NSDHL: variants seen among roughly 807,000 people sequenced by gnomAD.
NSDHL encodes the protein NAD(P) dependent 3-beta-hydroxysteroid dehydrogenase NSDHL.
In NSDHL, 1 loss-of-function variant was observed where a neutral mutation model predicts 23.0. The ratio of observed to expected loss-of-function variants is 0.04; its 90% CI spans 0.02 to 0.21. The LOEUF (loss-of-function observed/expected upper bound fraction) is 0.21. NSDHL is among the 10% of genes least tolerant of loss of function. The pLI, the probability that NSDHL is intolerant of heterozygous loss-of-function variation, is 1.00. For missense variants in NSDHL, 237 were observed against 300.9 expected (o/e 0.79, Z 1.57); for synonymous variants, 128 against 121.1 (o/e 1.06, Z -0.37).
chrX:152,832,168 T>C (rs141751655), intron 1 of NSDHL, among the ~76,000 whole-genome samples: 1,128 of 111,870 alleles, frequency 0.01, 16 homozygotes, highest in African/African-American at 0.034. Context: ...CATCTTTGTC[T>C]CAGTTGTCCT....
At chrX:152,866,049 T>A in intron 6 of NSDHL, 88 bp downstream of exon 6, 1 of 1,030,033 alleles carries the variant, frequency 9.7e-7, no homozygotes, top group East Asian at 3.0e-5. Flanking sequence ...CATGGCATTG[T>A]AGCTCTTTTC....
chrX:152,860,925 T>G lies in NSDHL; in HGVS notation c.415-1671T>G, dbSNP rs1933518897. Among the ~76,000 whole-genome samples the G allele has an allele frequency of 2.7e-5, 3 of 112,249 alleles. 1 individual carries two copies. Among genetic ancestry groups the G allele is most frequent in the Admixed American group, 9.4e-5 (1 of 10,593 alleles). On this transcript the variant is annotated intron_variant, in intron 4 of 7. Coordinates refer to ENST00000370274, the MANE Select transcript of NSDHL (RefSeq NM_015922.3). Reference sequence around the variant, plus strand: ...AAGCAATATAAAGTATTGGATTGCATGTTATAAGATTTTATACAATGATAT... The same window carrying G: ...AAGCAATATAAAGTATTGGATTGCAGGTTATAAGATTTTATACAATGATAT...
At chrX:152,853,367 C>T (rs1037926949) in intron 3 of NSDHL, among the ~76,000 whole-genome samples, 11 of 110,811 alleles carry the variant, frequency 9.9e-5, no homozygotes, top group Non-Finnish European at 1.5e-4. Flanking sequence ...TCATCCCTGC[C>T]CGATTCCTTT....
Position 152,857,849 on chromosome X carries a change from T to C in NSDHL, c.268-921T>C, listed in dbSNP as rs1409310392. On this transcript the variant is annotated intron_variant, in intron 3 of 7. Coordinates refer to ENST00000370274, the MANE Select transcript of NSDHL (RefSeq NM_015922.3). ...ATGTCTGCAACTTACTTGACTGGTT[T>C]CAAAAAAAAAATCATGTGATTGTAT... 2.7e-5 allele frequency among the ~76,000 whole-genome samples: 3 copies of C among 111,201 alleles called. No individual in the cohort carries two copies. In the Admixed American group the frequency reaches 2.9e-4, roughly 11 times the overall value.
chrX:152,865,793 G>A (rs377272148), intron 5 of NSDHL, 26 bp from the exon 6 acceptor site: 21 of 1,210,692 alleles, frequency 1.7e-5, no homozygotes, highest in African/African-American at 1.2e-4. Context: ...TGCAATGGAC[G>A]TGCCCCTTCT....
chrX:152,841,664 A>G (rs1933194271), intron 1 of NSDHL, among the ~76,000 whole-genome samples: 1 of 112,353 alleles, frequency 8.9e-6, no homozygotes, highest in African/African-American at 3.2e-5. Context: ...AATAACTAAC[A>G]TTTTAAAGGA....
chrX:152,858,427 A>C (rs782565863), intron 3 of NSDHL, among the ~76,000 whole-genome samples: 1 of 111,817 alleles, frequency 8.9e-6, no homozygotes, highest in African/African-American at 3.3e-5. Flanking sequence ...GTGATTCATA[A>C]TTTCTATCTG....
At position 152,865,802 on chromosome X, in the gene NSDHL, C is replaced by A; in HGVS notation, c.544-17C>A. The A allele has an allele frequency of 8.2e-7, 1 of 1,212,216 alleles. No individual in the cohort carries two copies. Among genetic ancestry groups the A allele is most frequent in the Non-Finnish European group, 1.1e-6 (1 of 895,399 alleles). ...GGAATTTGCAATGGACGTGCCCCTT[C>A]TCCCACTCTCCTCCAGGCAGTTCTG... On this transcript the variant is annotated splice_polypyrimidine_tract_variant and intron_variant, in intron 5 of 7. Coordinates refer to ENST00000370274, the MANE Select transcript of NSDHL (RefSeq NM_015922.3).
intron 7 of NSDHL, among the ~76,000 whole-genome samples, 171 bp from the exon 8 acceptor site, chrX:152,868,613 T>G (rs1933649494): frequency 8.9e-6 from 1 of 112,701 alleles, no homozygotes; most frequent in Admixed American, 9.3e-5. Context: ...AGATGAAACT[T>G]TCATTGTCTG....
Position 152,840,849 on chromosome X carries a change from C to T in NSDHL, c.-43-5433C>T, listed in dbSNP as rs782579588. Among the ~76,000 whole-genome samples the T allele has an allele frequency of 2.7e-5, 3 of 113,178 alleles. No homozygotes were observed. In the South Asian group the frequency reaches 1.1e-3, roughly 41 times the overall value. ...TACTGCTCTCTTAAGAGCTGTCAGA[C>T]AAGGACGTTTAAGTCTGCCAAAGTT... On this transcript the variant is annotated intron_variant, in intron 1 of 7. Coordinates refer to ENST00000370274, the MANE Select transcript of NSDHL (RefSeq NM_015922.3).
intron 1 of NSDHL, among the ~76,000 whole-genome samples, chrX:152,845,402 G>A (rs1556845403): frequency 9.0e-6 from 1 of 111,731 alleles, no homozygotes; most frequent in Non-Finnish European, 1.9e-5. Flanking sequence ...ATCTCCAGAT[G>A]TTAGGGGAGC....
At position 152,848,442 on chromosome X, in the gene NSDHL, A is replaced by G. The variant is rs782420506; in HGVS notation, c.109-1823A>G. Among the ~76,000 whole-genome samples, 36 of 112,565 alleles carry G rather than the reference A, an allele frequency of 3.2e-4. No homozygotes were observed. The South Asian group carries it at 0.012, about 37-fold the overall frequency. ...CTACAAGGGTCTCCAGGGAACAGCC[A>G]TTGGCCTACTCATCCCAAACATTAT... On this transcript the variant is annotated intron_variant, in intron 2 of 7. Transcript: ENST00000370274.
At chrX:152,840,409 T>C in intron 1 of NSDHL, among the ~76,000 whole-genome samples, 1 of 112,612 alleles carries the variant, frequency 8.9e-6, no homozygotes, top group Admixed American at 9.4e-5. Context: ...TTTTCAGGCT[T>C]TCTGCTCTGG....
intron 1 of NSDHL, among the ~76,000 whole-genome samples, chrX:152,843,215 G>A (rs782623464): frequency 2.7e-5 from 3 of 112,099 alleles, no homozygotes; most frequent in Non-Finnish European, 5.6e-5. Flanking sequence ...TCTAGCAAAC[G>A]AGGAGAGGAA....
Position 152,836,977 on chromosome X carries a change from G to A in NSDHL, c.-44+5860G>A, listed in dbSNP as rs782811294. Among the ~76,000 whole-genome samples, 13 of 111,442 alleles carry A rather than the reference G, an allele frequency of 1.2e-4. No homozygotes were observed. The South Asian group carries it at 4.5e-3, about 39-fold the overall frequency. On this transcript the variant is annotated intron_variant, in intron 1 of 7. Coordinates refer to ENST00000370274, the MANE Select transcript of NSDHL (RefSeq NM_015922.3). ...ATTTGTTTGTGTCCTCTTTTATTTC[G>A]TTGAGCAATGGTTCGTAGTTCTCCT...
At chrX:152,853,008 C>A (rs1193588031) in intron 3 of NSDHL, among the ~76,000 whole-genome samples, 2 of 110,298 alleles carry the variant, frequency 1.8e-5, no homozygotes, top group Non-Finnish European at 3.8e-5. Context: ...AACTTATTCT[C>A]TTTTCTTCTC....
intron 7 of NSDHL, among the ~76,000 whole-genome samples, chrX:152,868,206 C>T (rs1293534509): frequency 2.8e-5 from 3 of 106,294 alleles, no homozygotes; most frequent in African/African-American, 3.5e-5. Flanking sequence ...GGCGTGATCT[C>T]GGTTCACTGC....
chrX:152,842,471 T>C (rs371369977), intron 1 of NSDHL, among the ~76,000 whole-genome samples: 2 of 111,932 alleles, frequency 1.8e-5, no homozygotes, highest in Non-Finnish European at 3.8e-5. Context: ...CCCTGTTGAT[T>C]AGTGACGTTG....
Position 152,850,408 on chromosome X carries a change from C to G in NSDHL, c.252C>G (p.Asp84Glu). ...DNPQVRFFLG[D>E]LCSRQDLYPA... Reference sequence around the variant, plus strand: ...CCCAGGTGCGGTTCTTTCTGGGTGACCTCTGCAGCCGACAGGTAATGGACC... The same window carrying G: ...CCCAGGTGCGGTTCTTTCTGGGTGAGCTCTGCAGCCGACAGGTAATGGACC... Residue 84 changes from aspartate to glutamate, a missense_variant, in exon 3 of 8, where the codon GAC becomes GAG. Transcript: ENST00000370274. 8.3e-7 allele frequency: 1 copy of G among 1,211,133 alleles called. No individual in the cohort carries two copies. The highest frequency in any genetic ancestry group is 1.1e-6 in the Non-Finnish European group (1 of 894,768).
Sources: gnomAD v4.1 joint callset for allele counts (sites outside exome capture counted in the v4.1 genomes callset) on GRCh38, gnomAD v4.1.1 for gene constraint, MANE v1.5 for transcripts, NCBI Gene and HGNC (gene_info 2026-07-23, HGNC 2026-07-21) for gene names.